Variants in TTI1 observed in about 807,000 individuals in gnomAD.
TTI1 encodes the protein TELO2-interacting protein 1 homolog.
In TTI1, 52 loss-of-function variants were observed where a neutral mutation model predicts 85.4. The ratio of observed to expected loss-of-function variants is 0.61; its 90% CI spans 0.49 to 0.77. The LOEUF is 0.77. Among genes scored for constraint, TTI1 ranks in the 30% least tolerant of loss-of-function variants. The probability of loss-of-function intolerance (pLI) is 0.00; values close to 1 mark genes in which losing one functional copy is unlikely to be tolerated. For synonymous variants in TTI1, 512 were observed against 503.9 expected (o/e 1.02, Z -0.22); for missense variants, 1,173 against 1,296.0 (o/e 0.91, Z 1.46).
At chr20:38,022,261 G>A (rs1041349703) in intron 1 of TTI1, among the ~76,000 whole-genome samples, 1 of 152,140 alleles carries the variant, frequency 6.6e-6, no homozygotes, top group African/African-American at 2.4e-5. Flanking sequence ...CACTTTCAGG[G>A]CTTTGCTCAA....
chr20:38,012,520 T>G lies in TTI1; in HGVS notation c.1297A>C (p.Ile433Leu). 2.5e-6 allele frequency: 4 copies of G among 1,614,196 alleles called. No individual in the cohort carries two copies. Among genetic ancestry groups the G allele is most frequent in the Non-Finnish European group, 3.4e-6 (4 of 1,180,034 alleles). ...GCCACGTCTAGCTCTAGAACTTGGA[T>G]GAGTGCTTTGGAAAGCCGCTGGAGA... ...AHLQRLSKAL[I>L]QVLELDVADI... Residue 433 changes from isoleucine (I) to leucine (L), a missense_variant, in exon 2 of 8, where the codon ATC (isoleucine) becomes CTC (leucine). Ile to Leu is a conservative substitution (Grantham distance 5, BLOSUM62 2). Transcript: ENST00000373447.
chr20:38,033,375 C>T (rs1331688858), intron 1 of TTI1, 29 bp downstream of exon 1: 1 of 153,976 alleles, frequency 6.5e-6, no homozygotes, highest in African/African-American at 2.4e-5. Context: ...CTGCTGGGCT[C>T]CCTCTGGTTC....
At position 38,013,618 on chromosome 20, in the gene TTI1, T is replaced by C; in HGVS notation, c.199A>G (p.Arg67Gly). ...RFTLKTPGPK[R>G]ERLIQSVVEC... Reference sequence around the variant, plus strand: ...ACCACACTTTGGATCAAACGCTCTCTTTTGGGACCTGGGGTCTTCAGGGTA... The same window carrying C: ...ACCACACTTTGGATCAAACGCTCTCCTTTGGGACCTGGGGTCTTCAGGGTA... The change falls in exon 2 of 8, where the codon AGA (arginine) becomes GGA (glycine). Residue 67 changes from arginine to glycine, a missense_variant. By Grantham distance (125) the Arg-to-Gly change is moderately radical (BLOSUM62 -2). Transcript: ENST00000373447. The C allele has an allele frequency of 1.2e-6, 2 of 1,614,216 alleles. No individual in the cohort carries two copies. The highest frequency in any genetic ancestry group is 1.7e-6 in the Non-Finnish European group (2 of 1,180,028).
intron 1 of TTI1, among the ~76,000 whole-genome samples, chr20:38,023,602 T>C (rs1415666981): frequency 6.6e-6 from 1 of 152,140 alleles, no homozygotes; most frequent in African/African-American, 2.4e-5. Flanking sequence ...AAATGATGAG[T>C]TTATTTCTCT....
chr20:38,008,493 C>T (rs540815506), intron 2 of TTI1, among the ~76,000 whole-genome samples: 1 of 152,192 alleles, frequency 6.6e-6, no homozygotes, highest in Admixed American at 6.5e-5. Context: ...GACATAAATA[C>T]TTATTTTCAA....
chr20:38,015,334 A>G (rs925460166), intron 1 of TTI1, among the ~76,000 whole-genome samples: 1 of 152,146 alleles, frequency 6.6e-6, no homozygotes, highest in Non-Finnish European at 1.5e-5. Flanking sequence ...CTGTGGCCCC[A>G]AGAAGCCAGA....
intron 7 of TTI1, among the ~76,000 whole-genome samples, chr20:37,989,853 GA>G (rs1378502852): frequency 2.0e-5 from 3 of 152,226 alleles, no homozygotes; most frequent in African/African-American, 7.2e-5. Context: ...GATGCCTTCA[GA>G]AACAGCTCTA....
In TTI1 at chr20:38,012,877, C is replaced by T. The variant is rs1350232809; in HGVS notation, c.940G>A (p.Val314Met). The stretch of plus-strand genomic sequence containing the variant: ...CTGCACTTCAAAAGAAGGTCCTCCA[C>T]AAGTTCTACCAGTTCCAGTCTCACC... Reference protein sequence around the residue: ...WKVRLELVELVEDLLLKCSQS... With the variant: ...WKVRLELVELMEDLLLKCSQS... The change falls in exon 2 of 8, where the codon GTG becomes ATG. Residue 314 changes from valine to methionine, a missense_variant. Coordinates refer to ENST00000373447, the MANE Select transcript of TTI1 (RefSeq NM_001303457.2). 3.7e-5 allele frequency: 60 copies of T among 1,614,076 alleles called. No homozygotes were observed. Among genetic ancestry groups the T allele is most frequent in the Non-Finnish European group, 4.8e-5 (57 of 1,180,040 alleles).
At chr20:38,011,481 C>A (rs753620112) in intron 2 of TTI1, 34 bp downstream of exon 2, 10 of 1,602,158 alleles carry the variant, frequency 6.2e-6, no homozygotes, top group Non-Finnish European at 8.5e-6. Context: ...TCCTGTCCCC[C>A]ACACATCAGC....
At chr20:37,999,402 A>G in intron 4 of TTI1, 74 bp from the exon 5 acceptor site, 3 of 1,321,530 alleles carry the variant, frequency 2.3e-6, no homozygotes, top group Non-Finnish European at 2.9e-6. Flanking sequence ...CCATTTTCAA[A>G]GAATAACATT....
At position 38,011,872 on chromosome 20, in the gene TTI1, A is replaced by C. The variant is rs1196554252; in HGVS notation, c.1945T>G (p.Leu649Val). ...YALGKDFCLLLMSALYPVLEK... is the reference protein window; with the variant it reads ...YALGKDFCLLVMSALYPVLEK... ...AGTACTGGATAAAGGGCTGACATCA[A>C]GAGCAAACAGAAGTCTTTTCCTAGT... Residue 649 changes from leucine to valine, a missense_variant, in exon 2 of 8, where the codon TTG becomes GTG. Physicochemically the swap from Leu to Val is conservative, Grantham distance 32. Coordinates refer to ENST00000373447, the MANE Select transcript of TTI1 (RefSeq NM_001303457.2). 1 of 1,614,258 alleles carries C rather than the reference A, an allele frequency of 6.2e-7. No homozygotes were observed. Among genetic ancestry groups the C allele is most frequent in the Non-Finnish European group, 8.5e-7 (1 of 1,180,046 alleles).
At position 37,990,442 on chromosome 20, in the gene TTI1, G is replaced by A. The variant is rs563706640; in HGVS notation, c.3086+5933C>T. 2.0e-5 allele frequency among the ~76,000 whole-genome samples: 3 copies of A among 152,352 alleles called. No individual in the cohort carries two copies. The East Asian group carries it at 5.8e-4, about 29-fold the overall frequency. ...GATGAGAAAACAGAGACTTTGAGAA[G>A]TGAATTAATTTGCCAAGGTTATCTT... On this transcript the variant is annotated intron_variant, in intron 7 of 7. Transcript: ENST00000373447.
At chr20:37,987,179 C>G (rs2073202414) in intron 7 of TTI1, 1 of 456,764 alleles carries the variant, frequency 2.2e-6, no homozygotes, top group South Asian at 1.5e-5. Flanking sequence ...GTCCTTAGCG[C>G]CAGGCTTTGT....
intron 7 of TTI1, among the ~76,000 whole-genome samples, chr20:37,986,820 C>T (rs904638402): frequency 2.6e-5 from 4 of 152,196 alleles, no homozygotes; most frequent in African/African-American, 7.2e-5. Flanking sequence ...ACTACCATGC[C>T]ATGGATAATT....
chr20:38,000,086 T>TGGA (rs920943236), intron 4 of TTI1, among the ~76,000 whole-genome samples: 3 of 152,148 alleles, frequency 2.0e-5, no homozygotes, highest in African/African-American at 7.2e-5. Context: ...GTGAAAGGAC[T>TGGA]GGATATCTGT....
At chr20:37,995,743 C>T (rs1036299569) in intron 7 of TTI1, among the ~76,000 whole-genome samples, 3 of 152,212 alleles carry the variant, frequency 2.0e-5, no homozygotes, top group Admixed American at 2.0e-4. Context: ...GGTGATACAG[C>T]TTTTCTCAAA....
rs2073603995 is a variant in TTI1, at chr20:38,012,158, C to G, written c.1659G>C (p.Leu553=). The change falls in exon 2 of 8, where the codon CTG becomes CTC. Residue 553 remains leucine (L), a synonymous_variant. Coordinates refer to ENST00000373447, the MANE Select transcript of TTI1 (RefSeq NM_001303457.2). The part of the protein sequence containing the change: ...EKHIKTNPEE[L]REIVTSILEE... ...CAAGTATAGATGTCACAATCTCTCT[C>G]AGTTCTTCTGGGTTTGTTTTAATAT... 1 of 1,614,082 alleles carries G rather than the reference C, an allele frequency of 6.2e-7. No individual in the cohort carries two copies. Among genetic ancestry groups the G allele is most frequent in the Admixed American group, 1.7e-5 (1 of 60,004 alleles).
intron 7 of TTI1, among the ~76,000 whole-genome samples, chr20:37,991,605 T>C (rs2073266124): frequency 6.6e-6 from 1 of 152,226 alleles, no homozygotes; most frequent in African/African-American, 2.4e-5. Context: ...ATGAAAAAGA[T>C]CCTTTTGAGG....
intron 1 of TTI1, among the ~76,000 whole-genome samples, chr20:38,031,906 T>C (rs1038715461): frequency 5.3e-5 from 8 of 152,220 alleles, no homozygotes; most frequent in Non-Finnish European, 2.9e-5. Context: ...ATTTAAAAAG[T>C]ATGTAATGTG....
Sources: gnomAD v4.1 joint callset for allele counts (sites outside exome capture counted in the v4.1 genomes callset) on GRCh38, gnomAD v4.1.1 for gene constraint, MANE v1.5 for transcripts, NCBI Gene and HGNC (gene_info 2026-07-23, HGNC 2026-07-21) for gene names.